NTPCR: variants seen among roughly 807,000 people sequenced by gnomAD.
NTPCR encodes nucleoside-triphosphatase, cancer-related.
NTPCR carries 15 observed loss-of-function variants against 19.5 expected under a neutral mutation model. That is an observed-to-expected ratio of 0.77 (90% CI 0.51 to 1.18). NTPCR has a LOEUF of 1.18. Among genes scored for constraint, NTPCR ranks in the 50% most tolerant of loss-of-function variants. The pLI, the probability that NTPCR is intolerant of heterozygous loss-of-function variation, is 0.00. For missense variants in NTPCR, 206 were observed against 240.4 expected, an observed-to-expected ratio of 0.86 and a Z score of 0.95; for synonymous variants, 90 against 95.8, an observed-to-expected ratio of 0.94 and a Z score of 0.36.
intron 1 of NTPCR, 27 bp from the exon 2 acceptor site, chr1:232,955,530 C>T (rs1006666577): frequency 7.4e-6 from 10 of 1,351,428 alleles, no homozygotes; most frequent in Admixed American, 3.2e-5. Context: ...GGCTTTTCTT[C>T]TTTTTTTTTT....
At position 232,978,211 on chromosome 1, in the gene NTPCR, G is replaced by A. The variant is rs771511181; in HGVS notation, c.553G>A (p.Val185Met). The A allele has an allele frequency of 2.9e-5, 47 of 1,614,024 alleles. No individual in the cohort carries two copies. Among genetic ancestry groups the A allele is most frequent in the Middle Eastern group, 1.6e-4 (1 of 6,084 alleles). Reference protein sequence around the residue: ...NHLLPDIVTCVQSSRK With the variant: ...NHLLPDIVTCMQSSRK Reference sequence around the variant, plus strand: ...CCTTCTGCCAGATATCGTGACGTGCGTGCAGAGCAGCAGGAAGTGAAGACA... The same window carrying A: ...CCTTCTGCCAGATATCGTGACGTGCATGCAGAGCAGCAGGAAGTGAAGACA... Residue 185 changes from valine (V) to methionine (M), a missense_variant, in exon 5 of 5, where the codon GTG (valine) becomes ATG (methionine). Transcript: ENST00000366628.
chr1:232,950,729 C>G lies in NTPCR; in HGVS notation c.19C>G (p.Leu7Val), dbSNP rs761360240. The G allele has an allele frequency of 3.2e-5, 52 of 1,603,288 alleles. No individual in the cohort carries two copies. Among genetic ancestry groups the G allele is most frequent in the Non-Finnish European group, 4.3e-5 (51 of 1,174,422 alleles). The change falls in exon 1 of 5, where the codon CTA becomes GTA. Residue 7 changes from leucine to valine, a missense_variant. Physicochemically the swap from Leu to Val is conservative, Grantham distance 32. Coordinates refer to ENST00000366628, the MANE Select transcript of NTPCR (RefSeq NM_032324.3). MARHVF[L>V]TGPPGVGKTT... Reference sequence around the variant, plus strand: ...CACCAGTATGGCCCGGCACGTGTTCCTAACGGGGCCCCCAGGTAACCCTGA... The same window carrying G: ...CACCAGTATGGCCCGGCACGTGTTCGTAACGGGGCCCCCAGGTAACCCTGA...
rs1277182639 is a variant in NTPCR, at chr1:232,982,460, A to G, written c.*4229A>G. On this transcript the variant is annotated 3_prime_UTR_variant, in exon 5 of 5. Transcript: ENST00000366628. ...TTAATGTGACCTTAGTGTTGTAGAT[A>G]CACTGTGTCACTTTCATCCTCCCTC... 1 of 152,226 alleles carries G rather than the reference A, an allele frequency of 6.6e-6. No homozygotes were observed. Among genetic ancestry groups the G allele is most frequent in the African/African-American group, 2.4e-5 (1 of 41,452 alleles). The allele number at this position is 152,226 out of a possible 1,614,324, so 9.4% of individuals were successfully genotyped here.
At position 232,983,766 on chromosome 1, in the gene NTPCR, G is replaced by A. The variant is rs1419366737; in HGVS notation, c.*5535G>A. 3 of 152,182 alleles carry A rather than the reference G, an allele frequency of 2.0e-5. No homozygotes were observed. Among genetic ancestry groups the A allele is most frequent in the Non-Finnish European group, 4.4e-5 (3 of 68,048 alleles). 9.4% of individuals were successfully genotyped at this position (152,182 alleles called of 1,614,324 possible). ...CTGCATAAATATTATAAAGAAATAGGGTTTTCTTGACACTTAGATTTAACC... is the reference window on the plus strand; with the variant it reads ...CTGCATAAATATTATAAAGAAATAGAGTTTTCTTGACACTTAGATTTAACC... On this transcript the variant is annotated 3_prime_UTR_variant, in exon 5 of 5. Coordinates refer to ENST00000366628, the MANE Select transcript of NTPCR (RefSeq NM_032324.3).
chr1:232,966,332 CTG>C (rs1001218456), intron 3 of NTPCR: 8 of 152,170 alleles, frequency 5.3e-5, no homozygotes, highest in African/African-American at 1.7e-4. Flanking sequence ...AGGAGCTAGT[CTG>C]TGTGTCTGAT....
intron 3 of NTPCR, chr1:232,966,949 C>T (rs1668835242): frequency 6.6e-6 from 1 of 152,216 alleles, no homozygotes; most frequent in Admixed American, 6.5e-5. Context: ...GTGATTCTGA[C>T]CACGTGGCTG....
At chr1:232,967,653 T>C (rs762529104) in intron 3 of NTPCR, 4 of 152,260 alleles carry the variant, frequency 2.6e-5, no homozygotes, top group Non-Finnish European at 4.4e-5. Flanking sequence ...TGCATTTTAC[T>C]ACCCTCATGT....
At chr1:232,954,672 TTG>T (rs1668463794) in intron 1 of NTPCR, among the ~76,000 whole-genome samples, 1 of 152,212 alleles carries the variant, frequency 6.6e-6, no homozygotes, top group Non-Finnish European at 1.5e-5. Context: ...AGGATGGTAA[TTG>T]CCTCAGAGGA....
intron 4 of NTPCR, among the ~76,000 whole-genome samples, chr1:232,971,477 C>G (rs563891276): frequency 3.9e-5 from 6 of 152,218 alleles, no homozygotes; most frequent in African/African-American, 1.4e-4. Flanking sequence ...TGGTGGTAAA[C>G]AGCCATTAGG....
intron 2 of NTPCR, 113 bp downstream of exon 2, chr1:232,955,832 C>A (rs1350644824): frequency 2.0e-6 from 2 of 988,796 alleles, no homozygotes; most frequent in Non-Finnish European, 3.1e-6. Flanking sequence ...TCTGTTGGGT[C>A]CTTGGATGCC....
chr1:232,953,563 G>T (rs191665698), intron 1 of NTPCR, among the ~76,000 whole-genome samples: 2 of 151,708 alleles, frequency 1.3e-5, no homozygotes, highest in Non-Finnish European at 2.9e-5. Flanking sequence ...AAATATAAAC[G>T]GCAATTTTTG....
Position 232,982,850 on chromosome 1 carries a change from C to T in NTPCR, c.*4619C>T, listed in dbSNP as rs1234436000. On this transcript the variant is annotated 3_prime_UTR_variant, in exon 5 of 5. Coordinates refer to ENST00000366628, the MANE Select transcript of NTPCR (RefSeq NM_032324.3). ...CTGCCATTTAGCCCTTGGGGCTTGG[C>T]TGTAAAGTTGCCCAAGAGGATTACA... The T allele has an allele frequency of 6.6e-6, 1 of 152,212 alleles. No individual in the cohort carries two copies. Among genetic ancestry groups the T allele is most frequent in the Non-Finnish European group, 1.5e-5 (1 of 68,046 alleles). The allele number at this position is 152,212 out of a possible 1,614,324, so 9.4% of individuals were successfully genotyped here.
In NTPCR at chr1:232,981,618, A is replaced by G. The variant is rs1478335107; in HGVS notation, c.*3387A>G. On this transcript the variant is annotated 3_prime_UTR_variant, in exon 5 of 5. Transcript: ENST00000366628. ...ACACACTGCAAAATTTAGAATCAAT[A>G]ATGCCAAATTGGCCACATGATTTAT... 4 of 152,200 alleles carry G rather than the reference A, an allele frequency of 2.6e-5. No homozygotes were observed. The South Asian group carries it at 8.3e-4, about 31-fold the overall frequency. The allele number at this position is 152,200 out of a possible 1,614,324, so 9.4% of individuals were successfully genotyped here.
In NTPCR at chr1:232,955,646, A is replaced by G. The variant is rs745726536; in HGVS notation, c.124A>G (p.Arg42Gly). 3 of 1,613,570 alleles carry G rather than the reference A, an allele frequency of 1.9e-6. No homozygotes were observed. In the African/African-American group the frequency reaches 4.0e-5, roughly 22 times the overall value. ...TGATGGATTTTATACCGAAGAAGTC[A>G]GACAGGGAGGGAGAAGAATAGGATT... is the stretch of plus-strand genomic sequence containing the variant. ...PVDGFYTEEV[R>G]QGGRRIGFDV... The change falls in exon 2 of 5, where the codon AGA (arginine) becomes GGA (glycine). Residue 42 changes from arginine (R) to glycine (G), a missense_variant. By Grantham distance (125) the Arg-to-Gly change is moderately radical. Coordinates refer to ENST00000366628, the MANE Select transcript of NTPCR (RefSeq NM_032324.3).
chr1:232,974,497 G>A (rs1669073137), intron 4 of NTPCR, among the ~76,000 whole-genome samples: 1 of 152,036 alleles, frequency 6.6e-6, no homozygotes, highest in Non-Finnish European at 1.5e-5. Context: ...TGACAGTTGA[G>A]GCAAAACGAT....
chr1:232,981,065 A>G lies in NTPCR; in HGVS notation c.*2834A>G, dbSNP rs1456715127. On this transcript the variant is annotated 3_prime_UTR_variant, in exon 5 of 5. Transcript: ENST00000366628. ...ACAAGGTCGGATGGGAGGAATCAGGACTGATTTGAAGCACGATTTACTAAA... is the reference window on the plus strand; with the variant it reads ...ACAAGGTCGGATGGGAGGAATCAGGGCTGATTTGAAGCACGATTTACTAAA... The G allele has an allele frequency of 1.3e-5, 2 of 152,232 alleles. No homozygotes were observed. Among genetic ancestry groups the G allele is most frequent in the Admixed American group, 6.5e-5 (1 of 15,282 alleles). 9.4% of individuals were successfully genotyped at this position (152,232 alleles called of 1,614,324 possible). A position where few individuals can be genotyped will look rare whatever the true frequency, so the allele number is the denominator to read the frequency against.
chr1:232,975,858 C>T (rs1476654817), intron 4 of NTPCR, among the ~76,000 whole-genome samples: 1 of 152,214 alleles, frequency 6.6e-6, no homozygotes, highest in African/African-American at 2.4e-5. Flanking sequence ...TTCTAATTAG[C>T]TTCTCAGGAA....
chr1:232,952,731 G>C (rs1302096550), intron 1 of NTPCR, among the ~76,000 whole-genome samples: 2 of 151,736 alleles, frequency 1.3e-5, no homozygotes, highest in African/African-American at 4.9e-5. Context: ...GTTATTGTCA[G>C]GTGTTTTTAT....
At chr1:232,966,632 T>G (rs924265300) in intron 3 of NTPCR, 2 of 152,190 alleles carry the variant, frequency 1.3e-5, no homozygotes, top group Non-Finnish European at 2.9e-5. Flanking sequence ...ACTAGGTGAG[T>G]GTAACCAAAG....
Sources: allele counts gnomAD v4.1 joint callset (sites outside exome capture counted in the v4.1 genomes callset), GRCh38; gene constraint gnomAD v4.1.1; transcripts MANE v1.5; gene names NCBI Gene and HGNC (gene_info 2026-07-23, HGNC 2026-07-21).